Variants in GRM7 observed in about 807,000 individuals in gnomAD.
The protein encoded by GRM7 is glutamate metabotropic receptor 7.
Under a neutral mutation model 84.5 loss-of-function variants are expected in GRM7, and 35 were observed. The observed-to-expected ratio is 0.41, with a 90% CI of 0.32 to 0.55. The LOEUF is 0.55. Among genes scored for constraint, GRM7 ranks in the 20% least tolerant of loss-of-function variants. The probability of loss-of-function intolerance (pLI) is 0.19; values close to 1 mark genes in which losing one functional copy is unlikely to be tolerated. For missense variants in GRM7, 1,003 were observed against 1,194.6 expected (o/e 0.84, Z 2.36); for synonymous variants, 487 against 455.1 (o/e 1.07, Z -0.89).
chr3:7,377,634 C>G (rs901488703), intron 4 of GRM7, among the ~76,000 whole-genome samples: 6 of 152,146 alleles, frequency 3.9e-5, no homozygotes. Context: ...AAGGTGACCT[C>G]AGATGTTGAT....
intron 5 of GRM7, among the ~76,000 whole-genome samples, chr3:7,440,839 T>C (rs1207115349): frequency 3.9e-5 from 6 of 152,186 alleles, no homozygotes; most frequent in Non-Finnish European, 8.8e-5. Context: ...TCTTTTTTTA[T>C]GGATGTACAG....
intron 4 of GRM7, among the ~76,000 whole-genome samples, chr3:7,404,105 A>G (rs1695574564): frequency 2.0e-5 from 3 of 152,110 alleles, no homozygotes; most frequent in Admixed American, 2.0e-4. Context: ...AAAATTCTAT[A>G]CTTAATTCCA....
intron 2 of GRM7, among the ~76,000 whole-genome samples, chr3:7,232,420 G>T (rs1035773760): frequency 6.6e-6 from 1 of 152,102 alleles, no homozygotes. Flanking sequence ...GTTCCATTTT[G>T]CCCATCAAAG....
chr3:7,407,711 A>G (rs896062374), intron 4 of GRM7, among the ~76,000 whole-genome samples: 1 of 152,240 alleles, frequency 6.6e-6, no homozygotes, highest in Non-Finnish European at 1.5e-5. Context: ...TTTGATAGCA[A>G]AACAAAAGTG....
chr3:7,555,993 C>G (rs182672624), intron 7 of GRM7, among the ~76,000 whole-genome samples: 213 of 152,244 alleles, frequency 1.4e-3, no homozygotes, highest in African/African-American at 4.8e-3. Context: ...ATTACACTCT[C>G]AATTAACCTG....
intron 5 of GRM7, among the ~76,000 whole-genome samples, chr3:7,451,401 C>T (rs972664992): frequency 5.3e-5 from 8 of 152,090 alleles, no homozygotes; most frequent in Non-Finnish European, 7.3e-5. Context: ...TGCGACTGAG[C>T]GCCTCGGTGT....
chr3:7,713,136 T>TTTTTTTTTTTTTTTTTTTTA (rs1701648201), intron 9 of GRM7, among the ~76,000 whole-genome samples: 1 of 83,848 alleles, frequency 1.2e-5, no homozygotes. Context: ...TTTTTTTTTT[T>TTTTTTTTTTTTTTTTTTTTA]TTTTTTTTTT....
chr3:7,689,463 A>C (rs1420408852), intron 9 of GRM7, among the ~76,000 whole-genome samples: 1 of 152,148 alleles, frequency 6.6e-6, no homozygotes, highest in Non-Finnish European at 1.5e-5. Flanking sequence ...TTTGACACTA[A>C]ATCACCTTGG....
At chr3:7,312,210 G>A (rs1700422800) in intron 4 of GRM7, among the ~76,000 whole-genome samples, 1 of 152,142 alleles carries the variant, frequency 6.6e-6, no homozygotes, top group Admixed American at 6.5e-5. Flanking sequence ...GCGATGCCCT[G>A]TCCCTTACTT....
At chr3:7,203,260 C>T (rs989304844) in intron 2 of GRM7, among the ~76,000 whole-genome samples, 1 of 152,144 alleles carries the variant, frequency 6.6e-6, no homozygotes, top group South Asian at 2.1e-4. Context: ...CTATTCTCTA[C>T]GTCCATGAGA....
intron 1 of GRM7, among the ~76,000 whole-genome samples, chr3:7,004,314 G>A (rs1695111987): frequency 2.0e-5 from 3 of 152,022 alleles, no homozygotes. Context: ...TGATGTATTG[G>A]GATGAACTGG....
At chr3:7,156,956 GAA>G (rs796215555) in intron 2 of GRM7, among the ~76,000 whole-genome samples, 3 of 139,146 alleles carry the variant, frequency 2.2e-5, no homozygotes, top group African/African-American at 7.9e-5. Context: ...TACTTAAGCA[GAA>G]AAAAAAAAAA....
chr3:7,406,970 CATT>C (rs1317838728), intron 4 of GRM7, among the ~76,000 whole-genome samples: 3 of 152,070 alleles, frequency 2.0e-5, no homozygotes, highest in Non-Finnish European at 1.5e-5. Flanking sequence ...TATGGGATGT[CATT>C]AATACAGCAT....
chr3:7,350,030 G>A (rs1693065905), intron 4 of GRM7, among the ~76,000 whole-genome samples: 1 of 152,018 alleles, frequency 6.6e-6, no homozygotes, highest in Admixed American at 6.6e-5. Context: ...TGGAAATACA[G>A]GCCTCACTTG....
intron 1 of GRM7, among the ~76,000 whole-genome samples, chr3:7,063,467 C>T (rs777907631): frequency 2.6e-5 from 4 of 151,610 alleles, no homozygotes; most frequent in African/African-American, 4.8e-5. Context: ...ACCTCAGAGG[C>T]GGCAGTTTAA....
rs1395279059 is a variant in GRM7, at chr3:7,306,398, T to C, written c.879-100T>C. On this transcript the variant is annotated intron_variant, in intron 3 of 9. Transcript: ENST00000357716. ...AAGTTTTTTGCAATTATTTACTTTT[T>C]GAGGAAGAATAGTACCTTTCCTTTT... 11 of 950,014 alleles carry C rather than the reference T, an allele frequency of 1.2e-5. No individual in the cohort carries two copies. In the African/African-American group the frequency reaches 1.2e-4, roughly 10 times the overall value. 58.8% of individuals were successfully genotyped at this position (950,014 alleles called of 1,614,324 possible). A position where few individuals can be genotyped will look rare whatever the true frequency, so the allele number is the denominator to read the frequency against.
intron 1 of GRM7, among the ~76,000 whole-genome samples, chr3:7,061,380 A>G (rs895352007): frequency 2.6e-5 from 4 of 151,756 alleles, no homozygotes; most frequent in Non-Finnish European, 5.9e-5. Flanking sequence ...TAGAAAACAT[A>G]TGAGGTAGGA....
chr3:7,413,104 A>G (rs1417245432), intron 4 of GRM7, among the ~76,000 whole-genome samples: 1 of 152,078 alleles, frequency 6.6e-6, no homozygotes, highest in Non-Finnish European at 1.5e-5. Context: ...TGGACAGCCT[A>G]TTCCTAAAAC....
chr3:7,179,712 A>T (rs1274574996), intron 2 of GRM7, among the ~76,000 whole-genome samples: 1 of 152,168 alleles, frequency 6.6e-6, no homozygotes, highest in Non-Finnish European at 1.5e-5. Flanking sequence ...GAGTTGTAAT[A>T]TATATAGCAT....
Sources: gnomAD v4.1 joint callset for allele counts (sites outside exome capture counted in the v4.1 genomes callset) on GRCh38, gnomAD v4.1.1 for gene constraint, MANE v1.5 for transcripts, NCBI Gene and HGNC (gene_info 2026-07-23, HGNC 2026-07-21) for gene names.